Variants in DTD1 observed in about 807,000 individuals in gnomAD.
The protein encoded by DTD1 is D-tyrosyl-tRNA deacylase 1 homolog.
A neutral mutation model predicts 25.6 loss-of-function variants in DTD1; 13 were observed. The ratio of observed to expected loss-of-function variants is 0.51; its 90% CI spans 0.33 to 0.81. The LOEUF is 0.81. Ranked by LOEUF, DTD1 falls within the 30% of genes least tolerant of loss-of-function variation. The pLI, the probability that DTD1 is intolerant of heterozygous loss-of-function variation, is 0.02. For synonymous variants in DTD1, 110 were observed against 103.6 expected (o/e 1.06, Z -0.37); for missense variants, 193 against 266.4 (o/e 0.72, Z 1.92).
chr20:18,724,097 CA>C (rs2061215139), intron 4 of DTD1, among the ~76,000 whole-genome samples: 1 of 152,224 alleles, frequency 6.6e-6, no homozygotes, highest in Non-Finnish European at 1.5e-5. Flanking sequence ...AAGCCCCTGG[CA>C]AACTTCCTCT....
intron 5 of DTD1, among the ~76,000 whole-genome samples, chr20:18,762,500 C>G (rs1201038274): frequency 6.6e-6 from 1 of 152,138 alleles, no homozygotes; most frequent in Non-Finnish European, 1.5e-5. Context: ...TAGTTTATTC[C>G]CTCCCTGTCC....
chr20:18,597,481 A>G (rs1203846432), intron 3 of DTD1, among the ~76,000 whole-genome samples: 1 of 152,130 alleles, frequency 6.6e-6, no homozygotes, highest in Non-Finnish European at 1.5e-5. Flanking sequence ...CTTTTGTCCC[A>G]CTTAAAAGAA....
At chr20:18,614,456 G>A (rs1441187950) in intron 3 of DTD1, among the ~76,000 whole-genome samples, 3 of 152,162 alleles carry the variant, frequency 2.0e-5, no homozygotes, top group Non-Finnish European at 2.9e-5. Context: ...CAGAGTTCAC[G>A]GCCAGGTCCC....
At chr20:18,718,413 T>A (rs904081005) in intron 4 of DTD1, among the ~76,000 whole-genome samples, 1 of 152,040 alleles carries the variant, frequency 6.6e-6, no homozygotes, top group Non-Finnish European at 1.5e-5. Context: ...CCGTGTGGGA[T>A]GATAGAGCCT....
At chr20:18,759,315 C>T (rs911970071) in intron 5 of DTD1, among the ~76,000 whole-genome samples, 12 of 152,278 alleles carry the variant, frequency 7.9e-5, no homozygotes, top group South Asian at 2.1e-4. Context: ...TTAGTTGATG[C>T]AGTTTCTTCC....
intron 4 of DTD1, among the ~76,000 whole-genome samples, chr20:18,650,231 AACAAAAACGAAC>A (rs1255135869): frequency 1.3e-5 from 2 of 152,208 alleles, no homozygotes; most frequent in Non-Finnish European, 2.9e-5. Flanking sequence ...CCTGTCTCAA[AACAAAAACGAAC>A]ACAAAAACAA....
chr20:18,695,603 T>TCC (rs1166811444), intron 4 of DTD1, among the ~76,000 whole-genome samples: 2 of 5,132 alleles, frequency 3.9e-4, no homozygotes, highest in African/African-American at 1.6e-3. Context: ...TCCCCTCCCC[T>TCC]CCCCCCTTCC....
In DTD1 at chr20:18,699,889, C is replaced by T. The variant is rs184575259; in HGVS notation, c.478-44211C>T. On this transcript the variant is annotated intron_variant, in intron 4 of 5. Coordinates refer to ENST00000377452, the MANE Select transcript of DTD1 (RefSeq NM_080820.6). ...CTCATATTCCTTTTACCCAGCTTCC[C>T]GAAGTGTTAATGTTAATGATCTCAC... 5.9e-5 allele frequency among the ~76,000 whole-genome samples: 9 copies of T among 152,220 alleles called. No individual in the cohort carries two copies. In the East Asian group the frequency reaches 1.5e-3, roughly 26 times the overall value.
At chr20:18,715,909 G>T (rs1210172527) in intron 4 of DTD1, among the ~76,000 whole-genome samples, 1 of 152,162 alleles carries the variant, frequency 6.6e-6, no homozygotes, top group African/African-American at 2.4e-5. Flanking sequence ...TGTATCTGGA[G>T]TCTGTTGTTG....
intron 4 of DTD1, among the ~76,000 whole-genome samples, chr20:18,659,003 G>A (rs987864056): frequency 1.3e-5 from 2 of 152,092 alleles, no homozygotes; most frequent in South Asian, 2.1e-4. Context: ...ATGGCATCTG[G>A]CACATTTTAG....
intron 4 of DTD1, among the ~76,000 whole-genome samples, chr20:18,628,552 A>G (rs1600329821): frequency 6.6e-6 from 1 of 152,224 alleles, no homozygotes. Flanking sequence ...CAGCAGAGCA[A>G]TGGCCCTGGA....
intron 4 of DTD1, among the ~76,000 whole-genome samples, chr20:18,726,971 C>T (rs2061224584): frequency 6.6e-6 from 1 of 152,244 alleles, no homozygotes; most frequent in African/African-American, 2.4e-5. Flanking sequence ...TCTTTGCATT[C>T]CAGGCACCTG....
intron 3 of DTD1, 138 bp downstream of exon 3, chr20:18,596,379 G>A: frequency 1.4e-6 from 1 of 694,402 alleles, no homozygotes; most frequent in South Asian, 1.9e-5. Flanking sequence ...CCACATACTA[G>A]CTGCTGCTAT....
chr20:18,692,619 G>A (rs1449090024), intron 4 of DTD1, among the ~76,000 whole-genome samples: 1 of 152,228 alleles, frequency 6.6e-6, no homozygotes. Context: ...ATGCACTAAA[G>A]GCAGAGCCAT....
At chr20:18,607,451 G>A (rs1281308302) in intron 3 of DTD1, among the ~76,000 whole-genome samples, 1 of 151,974 alleles carries the variant, frequency 6.6e-6, no homozygotes, top group Non-Finnish European at 1.5e-5. Context: ...GAGCCACTGC[G>A]CCCGGCTCTT....
intron 5 of DTD1, among the ~76,000 whole-genome samples, chr20:18,747,009 T>C (rs2061302789): frequency 6.6e-6 from 1 of 152,182 alleles, no homozygotes; most frequent in Admixed American, 6.5e-5. Context: ...CACATAAAAC[T>C]TCCACTCCCA....
chr20:18,685,037 T>C (rs891227367), intron 4 of DTD1, among the ~76,000 whole-genome samples: 4 of 152,158 alleles, frequency 2.6e-5, no homozygotes, highest in Non-Finnish European at 5.9e-5. Flanking sequence ...TAGCTGGGCC[T>C]ATAGGTGCAT....
At chr20:18,674,918 G>A (rs1348603637) in intron 4 of DTD1, 2 of 152,284 alleles carry the variant, frequency 1.3e-5, no homozygotes, top group Non-Finnish European at 2.9e-5. Flanking sequence ...TAGTTGTTTA[G>A]TGCAGCATAG....
chr20:18,686,069 A>G (rs1305810604), intron 4 of DTD1, among the ~76,000 whole-genome samples: 6 of 152,216 alleles, frequency 3.9e-5, no homozygotes, highest in East Asian at 1.9e-4. Context: ...CCTGCTAAAG[A>G]AAGTGTCAGC....
Sources: allele counts gnomAD v4.1 joint callset (sites outside exome capture counted in the v4.1 genomes callset), GRCh38; gene constraint gnomAD v4.1.1; transcripts MANE v1.5; gene names NCBI Gene and HGNC (gene_info 2026-07-23, HGNC 2026-07-21).